The following RBFOX3 variants were observed in gnomAD, a reference collection of about 807,000 sequenced individuals.
RBFOX3 encodes the protein RNA binding fox-1 homolog 3, also known as RNA binding protein fox-1 homolog 3.
In RBFOX3, 17 loss-of-function variants were observed where a neutral mutation model predicts 48.7. The observed-to-expected ratio is 0.35, with a 90% confidence interval of 0.24 to 0.52. RBFOX3 has a LOEUF of 0.52. Among genes scored for constraint, RBFOX3 ranks in the 20% least tolerant of loss-of-function variants. The pLI, the probability that RBFOX3 is intolerant of heterozygous loss-of-function variation, is 0.94. For missense variants in RBFOX3, 382 were observed against 497.5 expected, an observed-to-expected ratio of 0.77 and a Z score of 2.21; for synonymous variants, 212 against 209.5, an observed-to-expected ratio of 1.01 and a Z score of -0.10.
At chr17:79,468,051 T>C (rs1236162221) in intron 2 of RBFOX3, among the ~76,000 whole-genome samples, 1 of 152,090 alleles carries the variant, frequency 6.6e-6, no homozygotes, top group Non-Finnish European at 1.5e-5. Context: ...ACTGTCCGCA[T>C]TGTTTGGTTC....
the RBFOX3 span, among the ~76,000 whole-genome samples, chr17:79,646,603 C>T: frequency 1.3e-5 from 2 of 152,112 alleles, no homozygotes; most frequent in Non-Finnish European, 2.9e-5. Context: ...GGGGAAACTG[C>T]CCCCATGATT....
intron 4 of RBFOX3, among the ~76,000 whole-genome samples, chr17:79,181,889 C>A (rs1422283073): frequency 6.6e-6 from 1 of 152,026 alleles, no homozygotes; most frequent in Non-Finnish European, 1.5e-5. Context: ...CCTTGGAGGG[C>A]CAAGGGGCAC....
chr17:79,297,529 G>A (rs2074594337), intron 3 of RBFOX3, among the ~76,000 whole-genome samples: 1 of 152,254 alleles, frequency 6.6e-6, no homozygotes, highest in African/African-American at 2.4e-5. Context: ...AGCAGGCTGG[G>A]CTCTGGCCTC....
chr17:79,597,406 G>C (rs1298962904), intron 1 of RBFOX3, among the ~76,000 whole-genome samples: 4 of 152,142 alleles, frequency 2.6e-5, no homozygotes, highest in Admixed American at 2.6e-4. Flanking sequence ...CCCCCACCCA[G>C]GGCAGAAAGA....
chr17:79,456,146 T>A (rs1333095171), intron 2 of RBFOX3, among the ~76,000 whole-genome samples: 1 of 151,752 alleles, frequency 6.6e-6, no homozygotes, highest in Non-Finnish European at 1.5e-5. Context: ...ACTGACAGGG[T>A]CCCACCCCAA....
intron 1 of RBFOX3, among the ~76,000 whole-genome samples, chr17:79,520,196 C>G (rs1271653262): frequency 2.0e-5 from 3 of 152,230 alleles, no homozygotes; most frequent in Non-Finnish European, 2.9e-5. Context: ...TGGGGCTCAC[C>G]GGGCAATGTG....
chr17:79,623,103 T>C, the RBFOX3 span, among the ~76,000 whole-genome samples: 1 of 152,158 alleles, frequency 6.6e-6, no homozygotes, highest in Non-Finnish European at 1.5e-5. Context: ...GCAGAATCCT[T>C]CCCAGCTGAA....
At chr17:79,153,642 T>C (rs946266286) in intron 4 of RBFOX3, among the ~76,000 whole-genome samples, 1 of 152,098 alleles carries the variant, frequency 6.6e-6, no homozygotes, top group African/African-American at 2.4e-5. Flanking sequence ...TCTTTTTCCT[T>C]CCTCCCAATC....
chr17:79,611,172 CTCCGCCCTCCT>C (rs2093964563), upstream of RBFOX3, among the ~76,000 whole-genome samples: 10 of 29,330 alleles, frequency 3.4e-4, 1 homozygote, highest in East Asian at 3.4e-3. Context: ...CTCTCTCTCT[CTCCGCCCTCCT>C]TCTCTCTCTC....
chr17:79,276,494 T>C (rs756406142), intron 3 of RBFOX3, among the ~76,000 whole-genome samples: 95 of 152,296 alleles, frequency 6.2e-4, no homozygotes, highest in East Asian at 2.1e-3. Flanking sequence ...GAGACCAGCC[T>C]GTGCAACATG....
chr17:79,648,843 C>T, the RBFOX3 span, among the ~76,000 whole-genome samples: 1 of 152,206 alleles, frequency 6.6e-6, no homozygotes. Context: ...ACACCTGGCC[C>T]TTAAAACCCT....
chr17:79,316,135 C>T (rs990554156), intron 2 of RBFOX3, among the ~76,000 whole-genome samples: 6 of 148,670 alleles, frequency 4.0e-5, no homozygotes, highest in Non-Finnish European at 8.9e-5. Context: ...TTGGAGAGGG[C>T]GGGAGAGGCT....
At chr17:79,622,240 G>A in the RBFOX3 span, among the ~76,000 whole-genome samples, 2 of 152,290 alleles carry the variant, frequency 1.3e-5, no homozygotes, top group Middle Eastern at 3.4e-3. Context: ...CCTTCAGACC[G>A]CCTGCCCGTG....
At chr17:79,384,933 C>T (rs1352624296) in intron 2 of RBFOX3, among the ~76,000 whole-genome samples, 1 of 152,264 alleles carries the variant, frequency 6.6e-6, no homozygotes, top group Non-Finnish European at 1.5e-5. Flanking sequence ...GGCTGCTGCC[C>T]ACCCAAATTC....
intron 4 of RBFOX3, among the ~76,000 whole-genome samples, chr17:79,165,724 ACATG>A (rs1182565416): frequency 6.6e-6 from 1 of 152,228 alleles, no homozygotes; most frequent in Non-Finnish European, 1.5e-5. Flanking sequence ...TATGTCCAGG[ACATG>A]CCCCACCCCC....
Position 79,602,298 on chromosome 17 carries a change from G to A in RBFOX3, c.-320+8528C>T, listed in dbSNP as rs907146929. Among the ~76,000 whole-genome samples, 12 of 152,348 alleles carry A rather than the reference G, an allele frequency of 7.9e-5. 1 individual carries two copies. The highest frequency in any genetic ancestry group is 2.2e-4 in the African/African-American group (9 of 41,590). The stretch of plus-strand genomic sequence containing the variant: ...AACAGACTTCTGGACGATAAAGCTC[G>A]ACACAGCGTTGGCTGTCTGGGAGTG... On this transcript the variant is annotated intron_variant, in intron 1 of 14. Coordinates refer to ENST00000693108, the MANE Select transcript of RBFOX3 (RefSeq NM_001350451.2).
intron 4 of RBFOX3, among the ~76,000 whole-genome samples, chr17:79,132,127 C>T (rs1319255099): frequency 1.3e-5 from 2 of 151,860 alleles, no homozygotes; most frequent in Non-Finnish European, 2.9e-5. Context: ...GAGTTCACCT[C>T]GATGGTCAAT....
intron 1 of RBFOX3, among the ~76,000 whole-genome samples, chr17:79,568,860 G>A (rs2092562586): frequency 6.6e-6 from 1 of 152,050 alleles, no homozygotes; most frequent in Non-Finnish European, 1.5e-5. Context: ...CCTGCTCCGT[G>A]GAAAGCACCT....
the RBFOX3 span, among the ~76,000 whole-genome samples, chr17:79,652,880 C>T: frequency 3.3e-5 from 5 of 151,942 alleles, no homozygotes; most frequent in Non-Finnish European, 4.4e-5. Flanking sequence ...AGTGTCCAAA[C>T]AATGAAAACT....
Sources: gnomAD v4.1 joint callset for allele counts (sites outside exome capture counted in the v4.1 genomes callset) on GRCh38, gnomAD v4.1.1 for gene constraint, MANE v1.5 for transcripts, NCBI Gene and HGNC (gene_info 2026-07-23, HGNC 2026-07-21) for gene names.